COL5A2: variants seen among roughly 807,000 people sequenced by gnomAD.
The protein encoded by COL5A2 is collagen type V alpha 2 chain.
In COL5A2, 23 loss-of-function variants were observed where a neutral mutation model predicts 208.2. The observed-to-expected ratio is 0.11, with a 90% CI of 0.08 to 0.16. The LOEUF (loss-of-function observed/expected upper bound fraction) is 0.16. COL5A2 is among the 10% of genes least tolerant of loss of function. The pLI is 1.00. For missense variants in COL5A2, 1,590 were observed against 1,956.4 expected (o/e 0.81, Z 3.53); for synonymous variants, 625 against 628.5 (o/e 0.99, Z 0.08).
At chr2:189,255,903 GA>G in the COL5A2 span, among the ~76,000 whole-genome samples, 2 of 152,122 alleles carry the variant, frequency 1.3e-5, no homozygotes, top group Admixed American at 1.3e-4. Flanking sequence ...GATTATGATA[GA>G]AAAGAGATGA....
At chr2:189,174,469 G>C (rs1033001767) in intron 1 of COL5A2, among the ~76,000 whole-genome samples, 3 of 152,146 alleles carry the variant, frequency 2.0e-5, no homozygotes, top group African/African-American at 7.2e-5. Flanking sequence ...TGAATAACTA[G>C]AATAGCAAGT....
intron 2 of COL5A2, among the ~76,000 whole-genome samples, chr2:189,104,679 A>C (rs1323801244): frequency 6.6e-6 from 1 of 151,812 alleles, no homozygotes; most frequent in Non-Finnish European, 1.5e-5. Context: ...ATACACTAAA[A>C]AATGTCATTC....
chr2:189,405,557 G>C, the COL5A2 span, among the ~76,000 whole-genome samples: 1 of 152,110 alleles, frequency 6.6e-6, no homozygotes, highest in African/African-American at 2.4e-5. Flanking sequence ...AACAAGTTTA[G>C]TGTCACAGAA....
intron 38 of COL5A2, 96 bp from the exon 39 acceptor site, chr2:189,053,114 G>A (rs995511244): frequency 1.9e-5 from 19 of 1,011,578 alleles, no homozygotes; most frequent in Non-Finnish European, 2.7e-5. Flanking sequence ...ATCATATATT[G>A]TGAAACAGTG....
chr2:189,034,056 T>A lies in COL5A2; in HGVS notation c.*14A>T. The A allele has an allele frequency of 6.2e-7, 1 of 1,613,928 alleles. No individual in the cohort carries two copies. Among genetic ancestry groups the A allele is most frequent in the South Asian group, 1.1e-5 (1 of 91,090 alleles). On this transcript the variant is annotated 3_prime_UTR_variant, in exon 54 of 54. Coordinates refer to ENST00000374866, the MANE Select transcript of COL5A2 (RefSeq NM_000393.5). ...TTGATGGTGGTGCTCATTGTCGATG[T>A]GTCTTGGCTTACTTTACACAAAACA... is the stretch of plus-strand genomic sequence containing the variant.
rs189198282 is a variant in COL5A2, at chr2:189,193,502, A to G, written c.-42+31646T>C. On this transcript the variant is annotated intron_variant, in intron 1 of 10. Transcript: ENST00000649966. ...ATGGAACGGTGATAATGCAAAAATGACATTTGTTGATCCTAAGTCTTTGTT... is the reference window on the plus strand; with the variant it reads ...ATGGAACGGTGATAATGCAAAAATGGCATTTGTTGATCCTAAGTCTTTGTT... Among the ~76,000 whole-genome samples, 15 of 152,352 alleles carry G rather than the reference A, an allele frequency of 9.8e-5. No homozygotes were observed. In the East Asian group the frequency reaches 2.7e-3, roughly 27 times the overall value.
chr2:189,044,587 G>T (rs569443941), intron 47 of COL5A2, among the ~76,000 whole-genome samples: 21 of 152,056 alleles, frequency 1.4e-4, no homozygotes, highest in Non-Finnish European at 8.8e-5. Flanking sequence ...TTAAAGAGGA[G>T]AATTATTTAA....
At chr2:189,420,028 AAAGAAAGAGAAT>A in the COL5A2 span, among the ~76,000 whole-genome samples, 2 of 144,400 alleles carry the variant, frequency 1.4e-5, no homozygotes, top group East Asian at 4.1e-4. Context: ...GAGAGGAGGA[AAAGAAAGAGAAT>A]AAGAAAGAGA....
rs186714915 is a variant in COL5A2, at chr2:189,222,526, A to G, written c.-42+2622T>C. On this transcript the variant is annotated intron_variant, in intron 1 of 10. Coordinates refer to the COL5A2 transcript ENST00000649966. The stretch of plus-strand genomic sequence containing the variant: ...TGCCAGTGATATCCTCCTATCCAGG[A>G]AAGGTGCCAGTTCAGGTTTGTTCTA... Among the ~76,000 whole-genome samples the G allele has an allele frequency of 5.9e-5, 9 of 152,308 alleles. No homozygotes were observed. The East Asian group carries it at 1.7e-3, about 29-fold the overall frequency.
At chr2:189,051,576 A>G (rs1490350305) in intron 41 of COL5A2, 95 bp from the exon 42 acceptor site, 3 of 1,134,046 alleles carry the variant, frequency 2.6e-6, no homozygotes, top group Non-Finnish European at 3.6e-6. Flanking sequence ...GCAGATGTCC[A>G]AGCCTCGCAG....
At chr2:189,178,922 G>C (rs779819898) in intron 1 of COL5A2, among the ~76,000 whole-genome samples, 4 of 152,084 alleles carry the variant, frequency 2.6e-5, no homozygotes, top group Non-Finnish European at 5.9e-5. Flanking sequence ...AGAAACAAAC[G>C]AGACTGCCTC....
intron 1 of COL5A2, among the ~76,000 whole-genome samples, chr2:189,146,713 A>T (rs1688046879): frequency 2.0e-5 from 3 of 152,188 alleles, no homozygotes. Flanking sequence ...AGACTATTTT[A>T]AAATACATCA....
chr2:189,436,850 CA>C, the COL5A2 span, among the ~76,000 whole-genome samples: 2 of 152,050 alleles, frequency 1.3e-5, no homozygotes, highest in African/African-American at 4.8e-5. Flanking sequence ...GGGCCTGTCG[CA>C]GGGGTGGCCG....
upstream of COL5A2, among the ~76,000 whole-genome samples, chr2:189,227,036 G>A (rs1276622212): frequency 6.6e-6 from 1 of 152,128 alleles, no homozygotes; most frequent in Non-Finnish European, 1.5e-5. Context: ...ATCTACACAT[G>A]CAAAGCCCAG....
intron 1 of COL5A2, among the ~76,000 whole-genome samples, chr2:189,133,580 G>T (rs1021869915): frequency 6.6e-6 from 1 of 152,090 alleles, no homozygotes; most frequent in Non-Finnish European, 1.5e-5. Context: ...GTTGAGCTGC[G>T]AAATGGAAAA....
Position 189,041,645 on chromosome 2 carries a change from G to T in COL5A2, c.3574C>A (p.Pro1192Thr), listed in dbSNP as rs374770535. 4 of 1,614,090 alleles carry T rather than the reference G, an allele frequency of 2.5e-6. No homozygotes were observed. Among genetic ancestry groups the T allele is most frequent in the East Asian group, 2.2e-5 (1 of 44,876 alleles). ...CCTGGAGGTCCAATTGGCCCAAGTG[G>T]CCCAGGGTTTCCTTCTTTACCTGAA... ...GPSGKEGNPG[P>T]LGPIGPPGVR... The change falls in exon 50 of 54, where the codon CCA (proline) becomes ACA (threonine). Residue 1192 changes from proline to threonine, a missense_variant. Pro to Thr is a conservative substitution (Grantham distance 38, BLOSUM62 -1). Coordinates refer to ENST00000374866, the MANE Select transcript of COL5A2 (RefSeq NM_000393.5).
the COL5A2 span, among the ~76,000 whole-genome samples, chr2:189,333,488 C>T: frequency 2.0e-5 from 3 of 152,132 alleles, no homozygotes; most frequent in African/African-American, 7.2e-5. Context: ...TTAAAACTCG[C>T]ACAAGAAAAG....
intron 7 of COL5A2, among the ~76,000 whole-genome samples, chr2:189,090,834 A>T (rs1213385217): frequency 6.6e-6 from 1 of 152,220 alleles, no homozygotes; most frequent in Middle Eastern, 3.2e-3. Context: ...GCTCAGAAAC[A>T]AAGGATTCCT....
the COL5A2 span, among the ~76,000 whole-genome samples, chr2:189,409,968 A>T: frequency 2.0e-5 from 3 of 152,198 alleles, no homozygotes; most frequent in Non-Finnish European, 2.9e-5. Flanking sequence ...AATTAATGGA[A>T]GAGAGCAATA....
Sources: gnomAD v4.1 joint callset for allele counts (sites outside exome capture counted in the v4.1 genomes callset) on GRCh38, gnomAD v4.1.1 for gene constraint, MANE v1.5 for transcripts, NCBI Gene and HGNC (gene_info 2026-07-23, HGNC 2026-07-21) for gene names.